Variants in ZFYVE9 observed in about 807,000 individuals in gnomAD.
ZFYVE9 encodes the protein zinc finger FYVE domain-containing protein 9.
In ZFYVE9, 43 loss-of-function variants were observed where a neutral mutation model predicts 126.7. The ratio of observed to expected loss-of-function variants is 0.34; its 90% CI spans 0.27 to 0.44. The LOEUF is 0.44. Among genes scored for constraint, ZFYVE9 ranks in the 20% least tolerant of loss-of-function variants. ZFYVE9 has a pLI of 1.00. For missense variants in ZFYVE9, 1,476 were observed against 1,697.0 expected, an observed-to-expected ratio of 0.87 and a Z score of 2.29; for synonymous variants, 521 against 597.4, an observed-to-expected ratio of 0.87 and a Z score of 1.87.
intron 1 of ZFYVE9, among the ~76,000 whole-genome samples, chr1:52,152,353 C>T (rs1374118580): frequency 2.0e-5 from 3 of 152,142 alleles, no homozygotes; most frequent in South Asian, 4.1e-4. Context: ...GTAATTAATA[C>T]CCTTTACTGA....
chr1:52,172,567 ATTGAATCTATAAATTACCT>A (rs1347907325), intron 1 of ZFYVE9, among the ~76,000 whole-genome samples: 2 of 152,140 alleles, frequency 1.3e-5, no homozygotes, highest in Non-Finnish European at 2.9e-5. Context: ...TGGGGATGGC[ATTGAATCTATAAATTACCT>A]TGGGCAGTAT....
chr1:52,191,917 G>A (rs1227517348), intron 1 of ZFYVE9, among the ~76,000 whole-genome samples: 1 of 152,118 alleles, frequency 6.6e-6, no homozygotes, highest in Non-Finnish European at 1.5e-5. Context: ...TGGACTTATT[G>A]TTAAATAATG....
chr1:52,311,672 A>G (rs1646138231), intron 13 of ZFYVE9, among the ~76,000 whole-genome samples: 1 of 152,344 alleles, frequency 6.6e-6, no homozygotes, highest in African/African-American at 2.4e-5. Flanking sequence ...TCACGTGTCA[A>G]ATAACTAGTG....
At chr1:52,147,286 A>C (rs1644314321) in intron 1 of ZFYVE9, among the ~76,000 whole-genome samples, 1 of 152,222 alleles carries the variant, frequency 6.6e-6, no homozygotes, top group Admixed American at 6.5e-5. Flanking sequence ...CGGAACTGGA[A>C]AAGTTAGAAC....
chr1:52,219,748 T>TG (rs1557463601), intron 2 of ZFYVE9, among the ~76,000 whole-genome samples: 216 of 134,200 alleles, frequency 1.6e-3, no homozygotes, highest in African/African-American at 4.2e-3. Context: ...GCCAAGATCT[T>TG]TTGTGTGTGT....
intron 1 of ZFYVE9, among the ~76,000 whole-genome samples, chr1:52,145,780 CT>C (rs1404232496): frequency 2.0e-5 from 3 of 152,014 alleles, no homozygotes; most frequent in African/African-American, 7.2e-5. Context: ...ACTAAGTCTA[CT>C]TTTGGGATTT....
intron 11 of ZFYVE9, among the ~76,000 whole-genome samples, chr1:52,294,256 A>G (rs1204626313): frequency 1.3e-5 from 2 of 152,138 alleles, no homozygotes; most frequent in Admixed American, 6.5e-5. Flanking sequence ...AAGATTCTCA[A>G]CTCTGCCACT....
chr1:52,254,292 ATATT>A, intron 4 of ZFYVE9: 1 of 167,336 alleles, frequency 6.0e-6, no homozygotes, highest in East Asian at 1.6e-4. Flanking sequence ...AACTTTATAT[ATATT>A]TAAAAATATT....
At chr1:52,218,646 G>T (rs1423643378) in intron 2 of ZFYVE9, among the ~76,000 whole-genome samples, 1 of 152,166 alleles carries the variant, frequency 6.6e-6, no homozygotes, top group Non-Finnish European at 1.5e-5. Context: ...TTTAGGGTGC[G>T]AATGGAATAT....
chr1:52,232,989 C>T (rs1432877604), intron 2 of ZFYVE9, among the ~76,000 whole-genome samples, 182 bp from the exon 3 acceptor site: 1 of 151,920 alleles, frequency 6.6e-6, no homozygotes, highest in Non-Finnish European at 1.5e-5. Context: ...TGTTGATTGT[C>T]AGCTTACAGG....
At chr1:52,281,135 C>CTTTTTTTTTTTTTT in intron 9 of ZFYVE9, among the ~76,000 whole-genome samples, 1 of 137,226 alleles carries the variant, frequency 7.3e-6, no homozygotes. Flanking sequence ...CTTTTCTTTT[C>CTTTTTTTTTTTTTT]TTTTTTTTTT....
chr1:52,229,764 G>T (rs1252526432), intron 2 of ZFYVE9, among the ~76,000 whole-genome samples: 2 of 152,138 alleles, frequency 1.3e-5, no homozygotes, highest in Admixed American at 6.5e-5. Flanking sequence ...TTTATAGATG[G>T]TGATAAATAT....
chr1:52,209,667 G>T (rs958039548), intron 1 of ZFYVE9, among the ~76,000 whole-genome samples: 3 of 152,120 alleles, frequency 2.0e-5, no homozygotes, highest in Admixed American at 6.6e-5. Flanking sequence ...GCATGTATTG[G>T]TATGAAGGTG....
At chr1:52,290,902 A>G (rs1247014714) in intron 10 of ZFYVE9, among the ~76,000 whole-genome samples, 2 of 152,206 alleles carry the variant, frequency 1.3e-5, no homozygotes, top group East Asian at 3.8e-4. Flanking sequence ...AATTTAATAT[A>G]GTTTCTCCTC....
At chr1:52,143,479 A>G (rs1454421034) in intron 1 of ZFYVE9, among the ~76,000 whole-genome samples, 3 of 152,226 alleles carry the variant, frequency 2.0e-5, no homozygotes, top group Non-Finnish European at 4.4e-5. Flanking sequence ...TCATGAAAAA[A>G]TATGCTTATT....
At chr1:52,275,503 T>C (rs1358386969) in intron 8 of ZFYVE9, among the ~76,000 whole-genome samples, 1 of 152,192 alleles carries the variant, frequency 6.6e-6, no homozygotes, top group Non-Finnish European at 1.5e-5. Flanking sequence ...TACATTTCTA[T>C]CAACAGTGTA....
intron 1 of ZFYVE9, among the ~76,000 whole-genome samples, chr1:52,172,658 G>C (rs1168130429): frequency 1.3e-5 from 2 of 152,084 alleles, no homozygotes; most frequent in African/African-American, 2.4e-5. Context: ...CCATTTGTTT[G>C]TATCCTCTTT....
intron 1 of ZFYVE9, among the ~76,000 whole-genome samples, chr1:52,172,302 G>C (rs1644580433): frequency 6.6e-6 from 1 of 152,296 alleles, no homozygotes; most frequent in Admixed American, 6.5e-5. Flanking sequence ...TCAAAGATCA[G>C]ATAGTTGTAG....
intron 1 of ZFYVE9, among the ~76,000 whole-genome samples, chr1:52,196,655 G>A (rs979886422): frequency 6.6e-6 from 1 of 152,086 alleles, no homozygotes; most frequent in African/African-American, 2.4e-5. Context: ...TTGGTAAATT[G>A]GAGGTCATGA....
Sources: gnomAD v4.1 joint callset for allele counts (sites outside exome capture counted in the v4.1 genomes callset) on GRCh38, gnomAD v4.1.1 for gene constraint, MANE v1.5 for transcripts, NCBI Gene and HGNC (gene_info 2026-07-23, HGNC 2026-07-21) for gene names.